DNAJA4: variants seen among roughly 807,000 people sequenced by gnomAD.
DNAJA4 encodes the protein DnaJ heat shock protein family (Hsp40) member A4.
A neutral mutation model predicts 39.7 loss-of-function variants in DNAJA4; 32 were observed. The ratio of observed to expected loss-of-function variants is 0.81; its 90% CI spans 0.61 to 1.08. The LOEUF is 1.08. Among genes scored for constraint, DNAJA4 ranks in the 50% least tolerant of loss-of-function variants. The pLI is 0.00. For missense variants in DNAJA4, 439 were observed against 505.1 expected, an observed-to-expected ratio of 0.87 and a Z score of 1.25; for synonymous variants, 184 against 182.4, an observed-to-expected ratio of 1.01 and a Z score of -0.07.
chr15:78,277,571 C>T (rs1159057700), intron 5 of DNAJA4, among the ~76,000 whole-genome samples: 2 of 152,230 alleles, frequency 1.3e-5, no homozygotes, highest in African/African-American at 4.8e-5. Context: ...GAGCTCAACA[C>T]CCTGGCATTG....
chr15:78,270,472 A>G (rs1595924065), intron 1 of DNAJA4, 25 bp from the exon 2 acceptor site: 3 of 1,541,538 alleles, frequency 1.9e-6, no homozygotes, highest in Non-Finnish European at 2.7e-6. Context: ...TTCTCTAAAA[A>G]TCTCTCTCTC....
rs2049672615 is a variant in DNAJA4 at position 78,281,969 on chromosome 15, A to C, written c.*1509A>C. The C allele has an allele frequency of 6.6e-6, 1 of 152,208 alleles. No homozygotes were observed. Among genetic ancestry groups the C allele is most frequent in the Non-Finnish European group, 1.5e-5 (1 of 68,036 alleles). 9.4% of individuals were successfully genotyped at this position (152,208 alleles called of 1,614,324 possible). On this transcript the variant is annotated 3_prime_UTR_variant, in exon 7 of 7. Transcript: ENST00000394852. The stretch of plus-strand genomic sequence containing the variant: ...GATATAAAATCACTTCTTCCAACGA[A>C]GCCTAGGTGAAAATCTATTTATAAA...
chr15:78,264,583 G>T lies in DNAJA4; in HGVS notation c.-181G>T. ...CTCTAGTGCGGTGGAGCCAGGCGTG[G>T]AAGTCGGTCCGGCGCGGGGCGGGGG... On this transcript the variant is annotated 5_prime_UTR_variant, in exon 1 of 7. Transcript: ENST00000394852. The T allele has an allele frequency of 1.7e-6, 2 of 1,184,908 alleles. No homozygotes were observed. The highest frequency in any genetic ancestry group is 2.1e-6 in the Non-Finnish European group (2 of 958,312). 73.4% of individuals were successfully genotyped at this position (1,184,908 alleles called of 1,614,324 possible). A position where few individuals can be genotyped will look rare whatever the true frequency, so the allele number is the denominator to read the frequency against.
intron 1 of DNAJA4, 188 bp from the exon 2 acceptor site, chr15:78,270,309 G>A: frequency 3.4e-6 from 2 of 583,016 alleles, no homozygotes; most frequent in Non-Finnish European, 6.0e-6. Context: ...TGTTTGCCCT[G>A]TGTTTCCCAC....
rs148848730 is a variant in DNAJA4 at position 78,274,340 on chromosome 15, A to G, written c.562A>G (p.Ile188Val). The change falls in exon 4 of 7, where the codon ATC becomes GTC. Residue 188 changes from isoleucine (I) to valine (V), a missense_variant. Coordinates refer to ENST00000394852, the MANE Select transcript of DNAJA4 (RefSeq NM_001130182.2). ...CIECKGQGER[I>V]NPKDRCESCS... The stretch of plus-strand genomic sequence containing the variant: ...CGAGTGCAAGGGCCAGGGTGAGCGC[A>G]TCAACCCCAAGGACCGCTGCGAGAG... 446 of 1,614,202 alleles carry G rather than the reference A, an allele frequency of 2.8e-4. 1 individual carries two copies. The African/African-American group carries it at 5.1e-3, about 18-fold the overall frequency.
intron 1 of DNAJA4, among the ~76,000 whole-genome samples, chr15:78,266,744 A>G (rs1410031899): frequency 6.6e-6 from 1 of 152,212 alleles, no homozygotes; most frequent in African/African-American, 2.4e-5. Context: ...TACTTGTTTG[A>G]TAACTGTATT....
chr15:78,270,018 G>A (rs2049249646), intron 1 of DNAJA4: 1 of 153,612 alleles, frequency 6.5e-6, no homozygotes, highest in Non-Finnish European at 1.4e-5. Flanking sequence ...AGGAGTATAG[G>A]TTTGTATCCA....
chr15:78,265,800 C>A, intron 1 of DNAJA4: 1 of 628,480 alleles, frequency 1.6e-6, no homozygotes, highest in Admixed American at 2.5e-5. Flanking sequence ...AGAGGTGGGG[C>A]CGTTATAGTA....
At chr15:78,275,853 T>C (rs2049442661) in intron 5 of DNAJA4, 125 bp downstream of exon 5, 3 of 680,968 alleles carry the variant, frequency 4.4e-6, no homozygotes, top group Non-Finnish European at 7.3e-6. Flanking sequence ...TGTGATACTT[T>C]GTCCCTTGCA....
intron 1 of DNAJA4, chr15:78,266,056 C>G (rs1412242835): frequency 5.0e-6 from 3 of 603,214 alleles, no homozygotes; most frequent in Non-Finnish European, 8.7e-6. Context: ...TTGTCTGTTA[C>G]TCACTTGCGT....
Position 78,270,623 on chromosome 15 carries a change from G to C in DNAJA4, c.259G>C (p.Asp87His). ...CAGCCCCAGCTTCTCTTCACCCATG[G>C]ACATCTTTGACATGTTCTTTGGTGG... is the stretch of plus-strand genomic sequence containing the variant. ...SGSPSFSSPMDIFDMFFGGGG... is the reference protein window; with the variant it reads ...SGSPSFSSPMHIFDMFFGGGG... The change falls in exon 2 of 7, where the codon GAC becomes CAC. Residue 87 changes from aspartate to histidine, a missense_variant. Physicochemically the swap from Asp to His is moderately conservative, Grantham distance 81 (BLOSUM62 -1). Coordinates refer to ENST00000394852, the MANE Select transcript of DNAJA4 (RefSeq NM_001130182.2). 6.2e-7 allele frequency: 1 copy of C among 1,614,190 alleles called. No individual in the cohort carries two copies. Among genetic ancestry groups the C allele is most frequent in the East Asian group, 2.2e-5 (1 of 44,888 alleles).
upstream of DNAJA4, chr15:78,264,315 T>G (rs542532667): frequency 5.0e-5 from 70 of 1,397,532 alleles, 1 homozygote; most frequent in South Asian, 9.7e-4. Context: ...GCCCCCGCCA[T>G]GGCCCGGGGC....
intron 1 of DNAJA4, among the ~76,000 whole-genome samples, chr15:78,267,181 A>AGTGTGTATGTGAGTGTGTAT (rs1567115109): frequency 1.1e-5 from 1 of 90,096 alleles, no homozygotes; most frequent in African/African-American, 4.3e-5. Flanking sequence ...TGAGTGTGTG[A>AGTGTGTATGTGAGTGTGTAT]GTGTGTGTGT....
At chr15:78,267,605 A>T (rs530997508) in intron 1 of DNAJA4, among the ~76,000 whole-genome samples, 21 of 152,190 alleles carry the variant, frequency 1.4e-4, no homozygotes, top group Middle Eastern at 3.4e-3. Context: ...TCTTTTGGTC[A>T]ATTTCATTGT....
intron 2 of DNAJA4, among the ~76,000 whole-genome samples, chr15:78,272,262 A>G (rs1311178045): frequency 1.3e-5 from 2 of 152,168 alleles, no homozygotes; most frequent in Non-Finnish European, 2.9e-5. Context: ...GCGTGAACCC[A>G]GGAGGCGGAG....
At chr15:78,278,826 A>ATTTTTTTTTTTT (rs33990133) in intron 5 of DNAJA4, among the ~76,000 whole-genome samples, 1 of 87,504 alleles carries the variant, frequency 1.1e-5, no homozygotes, top group Non-Finnish European at 2.1e-5. Context: ...TAGTTTTTCT[A>ATTTTTTTTTTTT]TTTTTTTTTT....
At chr15:78,264,318 C>A, upstream of DNAJA4, 1 of 1,404,708 alleles carries the variant, frequency 7.1e-7, no homozygotes, top group Non-Finnish European at 9.2e-7. Flanking sequence ...CCCGCCATGG[C>A]CCGGGGCGGC....
chr15:78,269,429 T>C (rs753570688), intron 1 of DNAJA4, among the ~76,000 whole-genome samples: 1 of 152,192 alleles, frequency 6.6e-6, no homozygotes, highest in Non-Finnish European at 1.5e-5. Context: ...AAAACATGAG[T>C]GATACAATGA....
Position 78,280,693 on chromosome 15 carries a change from C to G in DNAJA4, c.*233C>G, listed in dbSNP as rs2049631609. On this transcript the variant is annotated 3_prime_UTR_variant, in exon 7 of 7. Coordinates refer to ENST00000394852, the MANE Select transcript of DNAJA4 (RefSeq NM_001130182.2). ...ATCACCTCTAGTCTGCATATGGAAT[C>G]TGTTCATTTCTATTTTCAGGATATA... The G allele has an allele frequency of 2.2e-6, 1 of 451,356 alleles. No homozygotes were observed. Among genetic ancestry groups the G allele is most frequent in the Non-Finnish European group, 3.9e-6 (1 of 255,056 alleles). The allele number at this position is 451,356 out of a possible 1,614,324, so 28.0% of individuals were successfully genotyped here.
Sources: gnomAD v4.1 joint callset for allele counts (sites outside exome capture counted in the v4.1 genomes callset) on GRCh38, gnomAD v4.1.1 for gene constraint, MANE v1.5 for transcripts, NCBI Gene and HGNC (gene_info 2026-07-23, HGNC 2026-07-21) for gene names.